Variants in UGGT2 observed in about 807,000 individuals in gnomAD.
UGGT2 encodes the protein UDP-glucose:glycoprotein glucosyltransferase 2.
UGGT2 carries 180 observed loss-of-function variants against 192.1 expected under a neutral mutation model. That is an observed-to-expected ratio of 0.94 (90% CI 0.83 to 1.06). The LOEUF (loss-of-function observed/expected upper bound fraction) is 1.06, where lower values mean the gene tolerates loss of function less well. Among genes scored for constraint, UGGT2 ranks in the 50% least tolerant of loss-of-function variants. The probability of loss-of-function intolerance (pLI) is 0.00; values close to 1 mark genes in which losing one functional copy is unlikely to be tolerated. For synonymous variants in UGGT2, 580 were observed against 591.0 expected (o/e 0.98, Z 0.27); for missense variants, 1,849 against 1,795.7 (o/e 1.03, Z -0.54).
rs950746509 is a variant in UGGT2, at chr13:95,933,919, C to G, written c.1977+3005G>C. On this transcript the variant is annotated intron_variant, in intron 17 of 38. Transcript: ENST00000376747. Reference sequence around the variant, plus strand: ...CAGGATGGTCTCGATCTCCTGACCTCGTGATCTGCCCACCTCGGCCTCCCA... The same window carrying G: ...CAGGATGGTCTCGATCTCCTGACCTGGTGATCTGCCCACCTCGGCCTCCCA... Among the ~76,000 whole-genome samples, 9 of 152,166 alleles carry G rather than the reference C, an allele frequency of 5.9e-5. No homozygotes were observed. In the East Asian group the frequency reaches 1.5e-3, roughly 26 times the overall value.
At chr13:95,818,739 G>T (rs191693228) in intron 38 of UGGT2, among the ~76,000 whole-genome samples, 1 of 152,112 alleles carries the variant, frequency 6.6e-6, no homozygotes, top group Non-Finnish European at 1.5e-5. Flanking sequence ...CTCAGGCTGT[G>T]GGTACAGAGG....
At chr13:96,038,491 T>C (rs2053070217) in intron 1 of UGGT2, among the ~76,000 whole-genome samples, 1 of 152,196 alleles carries the variant, frequency 6.6e-6, no homozygotes, top group Non-Finnish European at 1.5e-5. Context: ...ATTACTATCC[T>C]AGGGCTACCA....
chr13:95,966,061 G>A (rs540977053), intron 12 of UGGT2, among the ~76,000 whole-genome samples: 1 of 152,226 alleles, frequency 6.6e-6, no homozygotes, highest in South Asian at 2.1e-4. Context: ...GAAAGGAAAA[G>A]AAACCAACAT....
At chr13:95,829,327 A>G (rs1886408231) in intron 38 of UGGT2, among the ~76,000 whole-genome samples, 3 of 152,202 alleles carry the variant, frequency 2.0e-5, no homozygotes, top group African/African-American at 7.2e-5. Flanking sequence ...CAGGGCAATC[A>G]GGCAGGAGAA....
intron 38 of UGGT2, among the ~76,000 whole-genome samples, chr13:95,832,519 A>T (rs1760635551): frequency 6.6e-6 from 1 of 152,098 alleles, no homozygotes; most frequent in Non-Finnish European, 1.5e-5. Context: ...GTTATATATG[A>T]GATTAATTTT....
chr13:95,913,891 G>T (rs1252185703), intron 20 of UGGT2, among the ~76,000 whole-genome samples: 2 of 152,138 alleles, frequency 1.3e-5, no homozygotes, highest in Non-Finnish European at 2.9e-5. Context: ...ATACACCATG[G>T]AATACTATGC....
At chr13:95,846,000 GCTC>G (rs1888394330) in intron 36 of UGGT2, among the ~76,000 whole-genome samples, 2 of 151,886 alleles carry the variant, frequency 1.3e-5, no homozygotes, top group African/African-American at 2.4e-5. Flanking sequence ...AGGCAGAGAC[GCTC>G]CTCACTTCCT....
intron 12 of UGGT2, among the ~76,000 whole-genome samples, chr13:95,954,002 C>T (rs981019708): frequency 6.6e-6 from 1 of 152,146 alleles, no homozygotes; most frequent in African/African-American, 2.4e-5. Context: ...GGTTGAGCAT[C>T]CCTAATCTGA....
chr13:95,859,585 A>G lies in UGGT2; in HGVS notation c.3825+6T>C. 6.2e-7 allele frequency: 1 copy of G among 1,603,988 alleles called. No individual in the cohort carries two copies. ...AACCATTCTACAAAAAAAGCTATGTACTTACTTTAAATGTCGGTGAGAGAT... is the reference window on the plus strand; with the variant it reads ...AACCATTCTACAAAAAAAGCTATGTGCTTACTTTAAATGTCGGTGAGAGAT... On this transcript the variant is annotated splice_donor_region_variant and intron_variant, in intron 33 of 38. Coordinates refer to ENST00000376747, the MANE Select transcript of UGGT2 (RefSeq NM_020121.4).
At chr13:96,036,636 T>C (rs2053011748) in intron 1 of UGGT2, among the ~76,000 whole-genome samples, 1 of 152,170 alleles carries the variant, frequency 6.6e-6, no homozygotes, top group African/African-American at 2.4e-5. Flanking sequence ...CTTTTGGAAC[T>C]CTTCTGGAAT....
intron 20 of UGGT2, among the ~76,000 whole-genome samples, chr13:95,910,287 A>T (rs1159738761): frequency 6.6e-6 from 1 of 152,230 alleles, no homozygotes; most frequent in African/African-American, 2.4e-5. Flanking sequence ...ATTAAAAGAC[A>T]GAGACTGGAA....
At chr13:95,942,567 A>C (rs1206868444) in intron 15 of UGGT2, among the ~76,000 whole-genome samples, 2 of 151,994 alleles carry the variant, frequency 1.3e-5, no homozygotes, top group East Asian at 3.9e-4. Flanking sequence ...ACCACCAATA[A>C]TTTCAGTATA....
At chr13:95,886,402 C>A (rs181069282) in intron 26 of UGGT2, among the ~76,000 whole-genome samples, 2 of 152,260 alleles carry the variant, frequency 1.3e-5, no homozygotes, top group African/African-American at 2.4e-5. Context: ...AAAGTCAATT[C>A]TTTCCCTCCC....
rs141242383 is a variant in UGGT2, at chr13:96,052,465, T to C, written c.158+690A>G. Among the ~76,000 whole-genome samples the C allele has an allele frequency of 9.1e-3, 1,364 of 149,516 alleles. 4 individuals are homozygous for C. Among genetic ancestry groups the C allele is most frequent in the Non-Finnish European group, 0.015 (1,009 of 67,296 alleles). On this transcript the variant is annotated intron_variant, in intron 1 of 38. Transcript: ENST00000376747. ...ACACCACCTGTTCCCCAATAAACTA[T>C]AGAAATGAAAAAAAAAAAGAACTTT...
chr13:95,904,789 A>G (rs975072437), intron 20 of UGGT2, among the ~76,000 whole-genome samples: 2 of 152,060 alleles, frequency 1.3e-5, no homozygotes, highest in Non-Finnish European at 2.9e-5. Context: ...ACCATGATTT[A>G]TAGTCCTTTG....
chr13:95,978,863 T>G (rs2051025363), intron 10 of UGGT2, among the ~76,000 whole-genome samples: 1 of 152,212 alleles, frequency 6.6e-6, no homozygotes, highest in African/African-American at 2.4e-5. Flanking sequence ...AGAGATGATG[T>G]TCTAATATAG....
At chr13:95,980,768 G>A (rs370713735) in intron 10 of UGGT2, among the ~76,000 whole-genome samples, 7 of 152,166 alleles carry the variant, frequency 4.6e-5, no homozygotes, top group African/African-American at 1.4e-4. Flanking sequence ...GGCCAAGGCG[G>A]GGCAGATTAC....
chr13:95,933,216 C>T (rs758651472), intron 17 of UGGT2, among the ~76,000 whole-genome samples: 1 of 152,146 alleles, frequency 6.6e-6, no homozygotes, highest in African/African-American at 2.4e-5. Flanking sequence ...TGGTCCAGGG[C>T]TTTTACTGGT....
chr13:95,807,715 C>CTTT (rs200081851), intron 38 of UGGT2, among the ~76,000 whole-genome samples: 4 of 48,034 alleles, frequency 8.3e-5, no homozygotes, highest in African/African-American at 2.3e-4. Flanking sequence ...TCAGCCCTCA[C>CTTT]CTTTTTTTTT....
Sources: allele counts gnomAD v4.1 joint callset (sites outside exome capture counted in the v4.1 genomes callset), GRCh38; gene constraint gnomAD v4.1.1; transcripts MANE v1.5; gene names NCBI Gene and HGNC (gene_info 2026-07-23, HGNC 2026-07-21).